GLIS3: variants seen among roughly 807,000 people sequenced by gnomAD.
The protein encoded by GLIS3 is zinc finger protein GLIS3.
A neutral mutation model predicts 78.6 loss-of-function variants in GLIS3; 53 were observed. The ratio of observed to expected loss-of-function variants is 0.67; its 90% CI spans 0.54 to 0.85. GLIS3 has a LOEUF of 0.85. Ranked by LOEUF, GLIS3 falls within the 40% of genes least tolerant of loss-of-function variation. The pLI, the probability that GLIS3 is intolerant of heterozygous loss-of-function variation, is 0.00. For synonymous variants in GLIS3, 684 were observed against 509.9 expected (o/e 1.34, Z -4.60); for missense variants, 1,703 against 1,231.1 (o/e 1.38, Z -5.74).
chr9:4,335,903 T>C (rs1183738340), intron 2 of GLIS3, among the ~76,000 whole-genome samples: 1 of 152,170 alleles, frequency 6.6e-6, no homozygotes, highest in African/African-American at 2.4e-5. Context: ...AGTTAGTTAA[T>C]ACAGAGCTAT....
chr9:4,448,865 A>T, the GLIS3 span, among the ~76,000 whole-genome samples: 1 of 152,238 alleles, frequency 6.6e-6, no homozygotes, highest in African/African-American at 2.4e-5. Context: ...AAGATGGCCA[A>T]ATAGGAATAG....
intron 6 of GLIS3, among the ~76,000 whole-genome samples, chr9:3,908,406 G>T (rs1823867695): frequency 6.6e-6 from 1 of 152,148 alleles, no homozygotes; most frequent in Non-Finnish European, 1.5e-5. Flanking sequence ...CAACTCCAAG[G>T]CTCGGAAACC....
At chr9:4,009,870 C>T (rs1821857255) in intron 4 of GLIS3, among the ~76,000 whole-genome samples, 1 of 152,142 alleles carries the variant, frequency 6.6e-6, no homozygotes, top group African/African-American at 2.4e-5. Context: ...AGGGGTCTGG[C>T]CGCCCCGGTC....
At chr9:4,195,535 T>C (rs1044565815) in intron 2 of GLIS3, among the ~76,000 whole-genome samples, 4 of 152,208 alleles carry the variant, frequency 2.6e-5, no homozygotes, top group African/African-American at 9.6e-5. Flanking sequence ...CACCTCCCCA[T>C]GGGGCAGGGC....
At chr9:4,043,547 G>A (rs1825006828) in intron 4 of GLIS3, among the ~76,000 whole-genome samples, 1 of 152,056 alleles carries the variant, frequency 6.6e-6, no homozygotes, top group Non-Finnish European at 1.5e-5. Flanking sequence ...CCTAAAGAAG[G>A]AGAAGGTCAG....
chr9:4,105,906 A>G (rs764142251), intron 4 of GLIS3, among the ~76,000 whole-genome samples: 5 of 152,174 alleles, frequency 3.3e-5, no homozygotes, highest in African/African-American at 7.2e-5. Flanking sequence ...AGTCCTCACC[A>G]GCAGTGGGTC....
At chr9:4,468,012 T>G in the GLIS3 span, among the ~76,000 whole-genome samples, 1 of 152,152 alleles carries the variant, frequency 6.6e-6, no homozygotes, top group South Asian at 2.1e-4. Flanking sequence ...CAGTAGTCGA[T>G]TCAATCAAGT....
intron 2 of GLIS3, among the ~76,000 whole-genome samples, chr9:4,332,989 G>A (rs533114491): frequency 6.6e-6 from 1 of 152,288 alleles, no homozygotes; most frequent in South Asian, 2.1e-4. Flanking sequence ...AATTTTTATA[G>A]CATTGAGTGC....
At chr9:4,136,912 GC>G (rs1026212132) in intron 2 of GLIS3, among the ~76,000 whole-genome samples, 3 of 152,164 alleles carry the variant, frequency 2.0e-5, no homozygotes, top group African/African-American at 7.2e-5. Context: ...AAGCTCCACT[GC>G]AAACCAACTA....
At chr9:3,925,643 C>T (rs1028044578) in intron 6 of GLIS3, among the ~76,000 whole-genome samples, 13 of 152,044 alleles carry the variant, frequency 8.6e-5, no homozygotes, top group Admixed American at 8.5e-4. Flanking sequence ...TGTGATGAGA[C>T]GGAATCCTCT....
At chr9:4,449,655 G>A in the GLIS3 span, among the ~76,000 whole-genome samples, 1 of 152,196 alleles carries the variant, frequency 6.6e-6, no homozygotes, top group Admixed American at 6.5e-5. Context: ...TTACTGTTCT[G>A]CAATATTTGC....
intron 2 of GLIS3, among the ~76,000 whole-genome samples, chr9:4,209,929 G>A (rs188365469): frequency 2.2e-4 from 33 of 152,006 alleles, no homozygotes; most frequent in Non-Finnish European, 4.3e-4. Flanking sequence ...CAAACACAAA[G>A]GAGACAAGAC....
At chr9:4,472,842 T>G in the GLIS3 span, among the ~76,000 whole-genome samples, 2 of 152,208 alleles carry the variant, frequency 1.3e-5, no homozygotes, top group African/African-American at 4.8e-5. Flanking sequence ...ATTATTGATA[T>G]TAAATGAACT....
intron 4 of GLIS3, among the ~76,000 whole-genome samples, chr9:4,013,342 T>C (rs1822188057): frequency 6.6e-6 from 1 of 152,204 alleles, no homozygotes; most frequent in South Asian, 2.1e-4. Flanking sequence ...GTATATTTTC[T>C]TTTTTAAAGG....
chr9:3,900,210 CAG>C (rs952237632), intron 6 of GLIS3, among the ~76,000 whole-genome samples: 1 of 141,758 alleles, frequency 7.1e-6, no homozygotes, highest in Non-Finnish European at 1.5e-5. Flanking sequence ...AAAGGAGAAA[CAG>C]AAATGATAAT....
chr9:4,384,775 C>T, the GLIS3 span, among the ~76,000 whole-genome samples: 1 of 152,064 alleles, frequency 6.6e-6, no homozygotes, highest in Non-Finnish European at 1.5e-5. Context: ...TCTTCCTCTT[C>T]CTACGCTCCC....
chr9:4,046,450 C>T (rs1407604208), intron 4 of GLIS3, among the ~76,000 whole-genome samples: 1 of 152,098 alleles, frequency 6.6e-6, no homozygotes. Context: ...ATAAACAACC[C>T]TATAAGGAGG....
chr9:4,461,843 T>A, the GLIS3 span, among the ~76,000 whole-genome samples: 1 of 151,964 alleles, frequency 6.6e-6, no homozygotes, highest in African/African-American at 2.4e-5. Context: ...GAACAAGAGA[T>A]AAAAGTTTGT....
At chr9:3,859,797 G>A (rs937988952) in intron 8 of GLIS3, among the ~76,000 whole-genome samples, 1 of 151,930 alleles carries the variant, frequency 6.6e-6, no homozygotes, top group African/African-American at 2.4e-5. Flanking sequence ...TGTTAAATAG[G>A]CACATAACAG....
Sources: allele counts gnomAD v4.1 joint callset (sites outside exome capture counted in the v4.1 genomes callset), GRCh38; gene constraint gnomAD v4.1.1; transcripts MANE v1.5; gene names NCBI Gene and HGNC (gene_info 2026-07-23, HGNC 2026-07-21).